Variants in SLC38A10 observed in about 807,000 individuals in gnomAD.
SLC38A10 encodes Sodium-coupled neutral amino acid transporter 10.
SLC38A10 carries 53 observed loss-of-function variants against 81.0 expected under a neutral mutation model. That is an observed-to-expected ratio of 0.65 (90% CI 0.53 to 0.82). SLC38A10 has a LOEUF of 0.82. SLC38A10 is among the 40% of genes least tolerant of loss of function. SLC38A10 has a pLI of 0.00. For synonymous variants in SLC38A10, 665 were observed against 655.3 expected (o/e 1.01, Z -0.23); for missense variants, 1,471 against 1,545.0 (o/e 0.95, Z 0.80).
At chr17:81,274,869 T>TA (rs1217049772) in intron 8 of SLC38A10, among the ~76,000 whole-genome samples, 1 of 152,230 alleles carries the variant, frequency 6.6e-6, no homozygotes, top group African/African-American at 2.4e-5. Context: ...CTGCCTGGCC[T>TA]ACATGTGTTA....
At position 81,276,166 on chromosome 17, in the gene SLC38A10, G is replaced by A. The variant is rs767385764; in HGVS notation, c.730-15C>T. The A allele has an allele frequency of 1.2e-6, 2 of 1,600,562 alleles. No individual in the cohort carries two copies. The highest frequency in any genetic ancestry group is 4.5e-5 in the East Asian group (2 of 44,340). On this transcript the variant is annotated splice_polypyrimidine_tract_variant and intron_variant, in intron 7 of 15. Coordinates refer to ENST00000374759, the MANE Select transcript of SLC38A10 (RefSeq NM_001037984.3). This position sits in a 1 kb window ranked among gnomAD's most constrained non-coding sequence, Gnocchi z 4.7. Reference sequence around the variant, plus strand: ...AAAAACCCCACCTGTTGGAGAATAAGAAATGGCAACGTGGCAGACAGACAT... The same window carrying A: ...AAAAACCCCACCTGTTGGAGAATAAAAAATGGCAACGTGGCAGACAGACAT...
chr17:81,250,104 C>A (rs1210024991), intron 14 of SLC38A10: 2 of 1,287,716 alleles, frequency 1.6e-6, no homozygotes, highest in South Asian at 2.5e-5. Context: ...CTGCTCGTCC[C>A]GTTGAGAGGC....
intron 14 of SLC38A10, among the ~76,000 whole-genome samples, chr17:81,249,125 C>A (rs1022438833): frequency 6.6e-6 from 1 of 150,672 alleles, no homozygotes; most frequent in Non-Finnish European, 1.5e-5. Context: ...GGCACCATGG[C>A]CTCACTTGCT....
At chr17:81,291,659 C>A (rs2063311683) in intron 1 of SLC38A10, among the ~76,000 whole-genome samples, 1 of 152,144 alleles carries the variant, frequency 6.6e-6, no homozygotes, top group South Asian at 2.1e-4. Context: ...GCACACGCAC[C>A]CTGGGGCCCG....
intron 3 of SLC38A10, 66 bp downstream of exon 3, chr17:81,284,784 C>A: frequency 3.7e-6 from 5 of 1,355,316 alleles, no homozygotes; most frequent in Non-Finnish European, 4.9e-6. Context: ...GCCGCTCCCA[C>A]CGGGAGGGTC....
intron 2 of SLC38A10, chr17:81,285,165 C>A (rs938736156): frequency 2.8e-6 from 1 of 356,856 alleles, no homozygotes; most frequent in Non-Finnish European, 5.1e-6. Context: ...GACAAAGAGA[C>A]AAGTCCCTGC....
chr17:81,280,028 C>A, intron 6 of SLC38A10: 1 of 391,396 alleles, frequency 2.6e-6, no homozygotes. Flanking sequence ...TTCCCGTCTG[C>A]GCCGGATTTA....
intron 2 of SLC38A10, among the ~76,000 whole-genome samples, chr17:81,287,970 G>A (rs73358153): frequency 0.02 from 3,115 of 152,334 alleles, 111 homozygotes; most frequent in African/African-American, 0.07. Flanking sequence ...CAGGCACGGT[G>A]CCTCCTGGCA....
intron 14 of SLC38A10, among the ~76,000 whole-genome samples, chr17:81,248,889 G>A (rs2062877887): frequency 6.6e-6 from 1 of 152,232 alleles, no homozygotes; most frequent in Admixed American, 6.5e-5. Flanking sequence ...AGCACCCCGG[G>A]CCAGACGCCT....
intron 14 of SLC38A10, chr17:81,247,309 C>G (rs1235101316): frequency 5.2e-6 from 2 of 385,834 alleles, no homozygotes; most frequent in African/African-American, 4.1e-5. Context: ...GGGATGGCCT[C>G]TCCCGCACAG....
chr17:81,262,250 G>A (rs375263121), intron 10 of SLC38A10, among the ~76,000 whole-genome samples: 171 of 152,266 alleles, frequency 1.1e-3, no homozygotes, highest in African/African-American at 3.8e-3. Context: ...AGCTGCCCCG[G>A]GACCTCCATC....
rs371890358 is a variant in SLC38A10 at position 81,245,759 on chromosome 17, G to A, written c.3157C>T (p.Arg1053Trp). 82 of 1,595,830 alleles carry A rather than the reference G, an allele frequency of 5.1e-5. No individual in the cohort carries two copies. Among genetic ancestry groups the A allele is most frequent in the Middle Eastern group, 1.7e-4 (1 of 6,006 alleles). ...LQAGSDLRRR[R>W]RDLGPHAEGQ... Reference sequence around the variant, plus strand: ...TCTGCATGAGGGCCAAGGTCCCGCCGTCGCCTCCGGAGGTCGGAGCCAGCC... The same window carrying A: ...TCTGCATGAGGGCCAAGGTCCCGCCATCGCCTCCGGAGGTCGGAGCCAGCC... The change falls in exon 16 of 16, where the codon CGG becomes TGG. Residue 1053 changes from arginine (R) to tryptophan (W), a missense_variant. By Grantham distance (101) the Arg-to-Trp change is moderately radical. Coordinates refer to ENST00000374759, the MANE Select transcript of SLC38A10 (RefSeq NM_001037984.3).
At chr17:81,255,376 A>G (rs2062962724) in intron 11 of SLC38A10, among the ~76,000 whole-genome samples, 2 of 152,260 alleles carry the variant, frequency 1.3e-5, no homozygotes, top group African/African-American at 4.8e-5. Flanking sequence ...TCTTGGCTGC[A>G]GTAAAACTAA....
chr17:81,261,030 G>C (rs976124532), intron 10 of SLC38A10, among the ~76,000 whole-genome samples: 1 of 152,252 alleles, frequency 6.6e-6, no homozygotes, highest in Admixed American at 6.5e-5. Context: ...AATGGCCTTC[G>C]CCTCTCCTTA....
intron 1 of SLC38A10, among the ~76,000 whole-genome samples, chr17:81,292,078 T>G (rs961999060): frequency 6.6e-6 from 1 of 152,000 alleles, no homozygotes. Context: ...TTATTATATA[T>G]ATAATCTATA....
At position 81,253,473 on chromosome 17, in the gene SLC38A10, G is replaced by A. The variant is rs2062939264; in HGVS notation, c.1289-233C>T. On this transcript the variant is annotated intron_variant, in intron 11 of 15. Transcript: ENST00000374759. The surrounding 1 kb of genome is among the most constrained non-coding windows in gnomAD (Gnocchi z 4.1). ...ACCTAACTGGGGGCAGGGAGAACTA[G>A]ACTCCATGTAATACTCAGTCATTAC... Among the ~76,000 whole-genome samples the A allele has an allele frequency of 6.6e-6, 1 of 152,108 alleles. No individual in the cohort carries two copies. The highest frequency in any genetic ancestry group is 6.6e-5 in the Admixed American group (1 of 15,264).
intron 6 of SLC38A10, among the ~76,000 whole-genome samples, chr17:81,280,330 TC>T (rs972427928): frequency 6.6e-5 from 10 of 152,062 alleles, no homozygotes; most frequent in African/African-American, 2.4e-4. Context: ...TGCTGCTGCA[TC>T]CCCCACAGCC....
At chr17:81,279,357 C>T (rs913054784) in intron 6 of SLC38A10, among the ~76,000 whole-genome samples, 46 of 152,312 alleles carry the variant, frequency 3.0e-4, no homozygotes, top group Non-Finnish European at 5.6e-4. Flanking sequence ...AGGCAGGGGG[C>T]GCGGCCCGCC....
rs149464287 is a variant in SLC38A10 at position 81,252,234 on chromosome 17, C to T, written c.1906G>A (p.Ala636Thr). The change falls in exon 13 of 16, where the codon GCC (alanine) becomes ACC (threonine). Residue 636 changes from alanine to threonine, a missense_variant. By Grantham distance (58) the Ala-to-Thr change is moderately conservative (BLOSUM62 0). Coordinates refer to ENST00000374759, the MANE Select transcript of SLC38A10 (RefSeq NM_001037984.3). Reference protein sequence around the residue: ...AKGGPPPGNAAGDTGQPAEDS... With the variant: ...AKGGPPPGNATGDTGQPAEDS... ...TCTGCGGGCTGCCCTGTGTCCCCGGCGGCGTTGCCTGGCGGCGGTCCCCCC... is the reference window on the plus strand; with the variant it reads ...TCTGCGGGCTGCCCTGTGTCCCCGGTGGCGTTGCCTGGCGGCGGTCCCCCC... 1.9e-5 allele frequency: 30 copies of T among 1,543,292 alleles called. No individual in the cohort carries two copies. The Admixed American group carries it at 4.9e-4, about 25-fold the overall frequency.
Sources: allele counts gnomAD v4.1 joint callset (sites outside exome capture counted in the v4.1 genomes callset), GRCh38; gene constraint gnomAD v4.1.1; non-coding constraint Gnocchi (gnomAD v3.1); transcripts MANE v1.5; gene names NCBI Gene and HGNC (gene_info 2026-07-23, HGNC 2026-07-21).